FMN1: variants seen among roughly 807,000 people sequenced by gnomAD.
The protein encoded by FMN1 is formin 1, also known as formin-1.
Under a neutral mutation model 132.4 loss-of-function variants are expected in FMN1, and 110 were observed. The observed-to-expected ratio is 0.83, with a 90% CI of 0.71 to 0.97. FMN1 has a LOEUF of 0.97. Among genes scored for constraint, FMN1 ranks in the 50% least tolerant of loss-of-function variants. FMN1 has a pLI of 0.00. For synonymous variants in FMN1, 722 were observed against 651.7 expected, an observed-to-expected ratio of 1.11 and a Z score of -1.64; for missense variants, 1,792 against 1,705.3, an observed-to-expected ratio of 1.05 and a Z score of -0.90.
intron 3 of FMN1, among the ~76,000 whole-genome samples, chr15:33,178,436 C>T (rs952901174): frequency 1.3e-5 from 2 of 152,168 alleles, no homozygotes; most frequent in Non-Finnish European, 2.9e-5. Context: ...GTCTCCATAT[C>T]CTGCTCTCGG....
At chr15:32,851,917 A>G (rs1042480905) in intron 17 of FMN1, among the ~76,000 whole-genome samples, 4 of 152,190 alleles carry the variant, frequency 2.6e-5, no homozygotes, top group South Asian at 2.1e-4. Flanking sequence ...TTTATAAGTG[A>G]TAAGACTCCT....
intron 17 of FMN1, among the ~76,000 whole-genome samples, chr15:32,810,736 T>C (rs1281802804): frequency 6.6e-6 from 1 of 152,200 alleles, no homozygotes; most frequent in African/African-American, 2.4e-5. Flanking sequence ...AATTAAGTCC[T>C]ATTTATGGAT....
Position 32,945,546 on chromosome 15 carries a change from C to G in FMN1, c.3138+18561G>C, listed in dbSNP as rs554180373. 1.5e-4 allele frequency among the ~76,000 whole-genome samples: 23 copies of G among 152,282 alleles called. No homozygotes were observed. In the South Asian group the frequency reaches 1.7e-3, roughly 11 times the overall value. On this transcript the variant is annotated intron_variant, in intron 9 of 20. Transcript: ENST00000616417. ...CTTAAATAGGGCTTTTTCTTTCCAA[C>G]ATGTTAGAGTGTTAGGCTTTTGGAA...
chr15:33,007,197 C>T (rs917544966), intron 7 of FMN1, among the ~76,000 whole-genome samples: 1 of 152,032 alleles, frequency 6.6e-6, no homozygotes, highest in Non-Finnish European at 1.5e-5. Context: ...TTTCTATTCG[C>T]AAACTAACAA....
intron 16 of FMN1, among the ~76,000 whole-genome samples, chr15:32,867,858 A>T (rs2059429607): frequency 6.6e-6 from 1 of 152,166 alleles, no homozygotes; most frequent in African/African-American, 2.4e-5. Flanking sequence ...ATAGCACTGT[A>T]TACCTTTCCC....
At chr15:32,928,707 T>C (rs1356126714) in intron 9 of FMN1, among the ~76,000 whole-genome samples, 1 of 152,196 alleles carries the variant, frequency 6.6e-6, no homozygotes, top group East Asian at 1.9e-4. Context: ...AACCATGGCA[T>C]ACACATCAAT....
chr15:32,965,846 A>T (rs2031169719), intron 8 of FMN1, among the ~76,000 whole-genome samples: 2 of 152,126 alleles, frequency 1.3e-5, no homozygotes, highest in African/African-American at 4.8e-5. Context: ...TACCCAACCC[A>T]AGGGCTAGAA....
chr15:32,921,355 C>T (rs1334439657), intron 10 of FMN1, among the ~76,000 whole-genome samples: 1 of 152,088 alleles, frequency 6.6e-6, no homozygotes, highest in Non-Finnish European at 1.5e-5. Context: ...AATCAAAGAC[C>T]ACTGTAGTTG....
intron 3 of FMN1, among the ~76,000 whole-genome samples, chr15:33,169,006 G>A (rs542836757): frequency 5.3e-4 from 80 of 152,226 alleles, no homozygotes; most frequent in Non-Finnish European, 1.0e-3. Context: ...TCACAATTTC[G>A]ATACTTTATA....
chr15:33,061,897 G>A (rs2037501502), intron 6 of FMN1, among the ~76,000 whole-genome samples: 1 of 151,952 alleles, frequency 6.6e-6, no homozygotes, highest in Non-Finnish European at 1.5e-5. Flanking sequence ...GACAGAAAGA[G>A]AGAAAAAAAG....
chr15:32,962,009 C>T (rs972371132), intron 9 of FMN1, among the ~76,000 whole-genome samples: 1 of 152,172 alleles, frequency 6.6e-6, no homozygotes, highest in Non-Finnish European at 1.5e-5. Context: ...ACCTCACCCC[C>T]ACCCTACTAA....
At chr15:32,901,765 G>C (rs76725389) in intron 13 of FMN1, 146 bp downstream of exon 13, 6 of 558,918 alleles carry the variant, frequency 1.1e-5, no homozygotes, top group Non-Finnish European at 1.7e-5. Flanking sequence ...ACACACACAC[G>C]GGCAAGATAA....
At chr15:32,783,792 A>G (rs1036384828) in intron 19 of FMN1, among the ~76,000 whole-genome samples, 1 of 135,408 alleles carries the variant, frequency 7.4e-6, no homozygotes, top group Admixed American at 7.7e-5. Context: ...AAATAGTTGA[A>G]GTGGCGTGGC....
intron 6 of FMN1, among the ~76,000 whole-genome samples, chr15:33,035,843 T>C (rs56014023): frequency 0.026 from 3,950 of 152,226 alleles, 183 homozygotes; most frequent in African/African-American, 0.09. Context: ...CTTTAAGAGG[T>C]GATTCGATCA....
At chr15:33,018,919 G>A (rs978761604) in intron 6 of FMN1, among the ~76,000 whole-genome samples, 1 of 152,190 alleles carries the variant, frequency 6.6e-6, no homozygotes, top group Non-Finnish European at 1.5e-5. Flanking sequence ...CAGGAGTGAA[G>A]CTGCAGACCT....
intron 6 of FMN1, among the ~76,000 whole-genome samples, chr15:33,049,608 C>A (rs1403643583): frequency 6.6e-6 from 1 of 152,192 alleles, no homozygotes; most frequent in Admixed American, 6.5e-5. Context: ...TAGTCTAAAG[C>A]TACCTTCTTA....
chr15:32,910,221 G>C (rs1475389593), intron 11 of FMN1, among the ~76,000 whole-genome samples: 5 of 152,180 alleles, frequency 3.3e-5, no homozygotes, highest in Admixed American at 3.3e-4. Context: ...GGGTTCCAGG[G>C]CACGTAAATG....
intron 7 of FMN1, among the ~76,000 whole-genome samples, chr15:33,005,727 A>G (rs531205866): frequency 4.5e-4 from 68 of 152,326 alleles, no homozygotes; most frequent in Non-Finnish European, 8.4e-4. Context: ...GGCTGTTAAC[A>G]CAACTTCTGC....
At chr15:32,779,457 T>C (rs919460069) in intron 19 of FMN1, among the ~76,000 whole-genome samples, 4 of 152,148 alleles carry the variant, frequency 2.6e-5, no homozygotes, top group Admixed American at 6.5e-5. Flanking sequence ...TGCCACACAG[T>C]GCACTAAGGA....
Sources: gnomAD v4.1 joint callset for allele counts (sites outside exome capture counted in the v4.1 genomes callset) on GRCh38, gnomAD v4.1.1 for gene constraint, MANE v1.5 for transcripts, NCBI Gene and HGNC (gene_info 2026-07-23, HGNC 2026-07-21) for gene names.